LRP6: variants seen among roughly 807,000 people sequenced by gnomAD.
The protein encoded by LRP6 is low-density lipoprotein receptor-related protein 6.
In LRP6, 43 loss-of-function variants were observed where a neutral mutation model predicts 184.1. The ratio of observed to expected loss-of-function variants is 0.23; its 90% confidence interval spans 0.18 to 0.30. The LOEUF is 0.30. Among genes scored for constraint, LRP6 ranks in the 10% least tolerant of loss-of-function variants. LRP6 has a pLI of 1.00. For synonymous variants in LRP6, 719 were observed against 684.9 expected, an observed-to-expected ratio of 1.05 and a Z score of -0.78; for missense variants, 1,571 against 2,005.3, an observed-to-expected ratio of 0.78 and a Z score of 4.14.
intron 2 of LRP6, among the ~76,000 whole-genome samples, chr12:12,213,459 T>G (rs1864263898): frequency 6.6e-6 from 1 of 152,130 alleles, no homozygotes; most frequent in South Asian, 2.1e-4. Flanking sequence ...GCTAACTCTA[T>G]TATTAATATA....
In LRP6 at chr12:12,180,916, TAGAC is replaced by T. The variant is rs1395307953; in HGVS notation, c.1373+123_1373+126del. The T allele has an allele frequency of 2.1e-4, 207 of 975,444 alleles. 2 individuals carry two copies. Among genetic ancestry groups the T allele is most frequent in the East Asian group, 1.3e-3 (53 of 40,802 alleles). The allele number at this position is 975,444 out of a possible 1,614,324, so 60.4% of individuals were successfully genotyped here. ...GTATTCTAATCACCATATCCTAAAA[TAGAC>T]AGCCATTAAAGAGCTGTTTACTGGA... On this transcript the variant is annotated intron_variant, in intron 6 of 22. Coordinates refer to ENST00000261349, the MANE Select transcript of LRP6 (RefSeq NM_002336.3).
intron 12 of LRP6, among the ~76,000 whole-genome samples, chr12:12,156,607 G>C (rs1862586252): frequency 6.6e-6 from 1 of 152,158 alleles, no homozygotes; most frequent in Non-Finnish European, 1.5e-5. Flanking sequence ...TTAATGTACT[G>C]CATTCTGCAT....
intron 3 of LRP6, among the ~76,000 whole-genome samples, chr12:12,199,653 G>C (rs1350146597): frequency 2.0e-5 from 3 of 151,982 alleles, no homozygotes; most frequent in African/African-American, 7.2e-5. Context: ...TTAGGGAACT[G>C]TGAAGATAAT....
intron 2 of LRP6, among the ~76,000 whole-genome samples, chr12:12,230,433 G>A (rs1864753619): frequency 6.6e-6 from 1 of 151,886 alleles, no homozygotes; most frequent in Admixed American, 6.6e-5. Flanking sequence ...CTAGACTAAA[G>A]GGATGAAATT....
chr12:12,179,944 T>A lies in LRP6; in HGVS notation c.1411A>T (p.Ile471Phe), dbSNP rs767398348. Residue 471 changes from isoleucine (I) to phenylalanine (F), a missense_variant, in exon 7 of 23, where the codon ATT (isoleucine) becomes TTT (phenylalanine). By Grantham distance (21) the Ile-to-Phe change is conservative. Transcript: ENST00000261349. ...YWTDWGEIPKIERAALDGSDR... is the reference protein window; with the variant it reads ...YWTDWGEIPKFERAALDGSDR... ...GAACCATCCAGAGCTGCTCGCTCAA[T>A]TTTCGGAATTTCTCCCCAGTCAGTC... 1 of 1,613,946 alleles carries A rather than the reference T, an allele frequency of 6.2e-7. No individual in the cohort carries two copies. Among genetic ancestry groups the A allele is most frequent in the South Asian group, 1.1e-5 (1 of 91,072 alleles).
At chr12:12,208,985 G>A (rs1181332) in intron 2 of LRP6, among the ~76,000 whole-genome samples, 128,655 of 152,172 alleles carry the variant, frequency 0.85, 54,571 homozygotes, top group East Asian at 0.95. Flanking sequence ...CTCTATTAAT[G>A]CATAAAATGA....
rs890699555 is a variant in LRP6 at position 12,248,564 on chromosome 12, G to C, written c.56-3909C>G. Among the ~76,000 whole-genome samples the C allele has an allele frequency of 3.4e-4, 48 of 139,454 alleles. No homozygotes were observed. The East Asian group carries it at 8.7e-3, about 25-fold the overall frequency. The allele number at this position is 139,454 out of a possible 152,430, so 91.5% of individuals were successfully genotyped here. ...TGGTGCAATCTCGGCTCACTGCAAG[G>C]TCCGCCTCCCGGGTTCACGCCATTC... On this transcript the variant is annotated intron_variant, in intron 1 of 22. Transcript: ENST00000261349.
At chr12:12,189,184 A>T (rs1369148505) in intron 3 of LRP6, among the ~76,000 whole-genome samples, 2 of 152,198 alleles carry the variant, frequency 1.3e-5, no homozygotes, top group Non-Finnish European at 2.9e-5. Flanking sequence ...CTCAGAGGTG[A>T]GCTTAAATCC....
chr12:12,232,582 G>A lies in LRP6; in HGVS notation c.449+11680C>T, dbSNP rs576669302. On this transcript the variant is annotated intron_variant, in intron 2 of 22. Coordinates refer to ENST00000261349, the MANE Select transcript of LRP6 (RefSeq NM_002336.3). ...TTTAACCTTAAGCAAGAATCCAGCA[G>A]GTGCAAAAAAAAAAAAAAACAGAAG... is the stretch of plus-strand genomic sequence containing the variant. 1.6e-4 allele frequency among the ~76,000 whole-genome samples: 15 copies of A among 95,414 alleles called. 1 individual carries two copies. The South Asian group carries it at 6.9e-3, about 44-fold the overall frequency. The allele number at this position is 95,414 out of a possible 152,430, so 62.6% of individuals were successfully genotyped here.
intron 12 of LRP6, among the ~76,000 whole-genome samples, chr12:12,156,366 C>T (rs1372774492): frequency 1.3e-5 from 2 of 152,030 alleles, no homozygotes; most frequent in Non-Finnish European, 2.9e-5. Flanking sequence ...GCCAGTGTGG[C>T]TGTAATGAAG....
chr12:12,249,577 A>C (rs1865271565), intron 1 of LRP6: 1 of 423,786 alleles, frequency 2.4e-6, no homozygotes, highest in East Asian at 3.7e-5. Context: ...ACCTCAAAGT[A>C]CTGGAAAGGA....
At chr12:12,236,270 T>C (rs1864931205) in intron 2 of LRP6, among the ~76,000 whole-genome samples, 1 of 152,030 alleles carries the variant, frequency 6.6e-6, no homozygotes, top group African/African-American at 2.4e-5. Context: ...AATGAGGGCA[T>C]GTACAAATGA....
rs908832908 is a variant in LRP6 at position 12,118,941 on chromosome 12, T to C, written c.*2185A>G. 8.5e-5 allele frequency: 13 copies of C among 152,248 alleles called. No individual in the cohort carries two copies. The highest frequency in any genetic ancestry group is 2.9e-5 in the Non-Finnish European group (2 of 68,040). 9.4% of individuals were successfully genotyped at this position (152,248 alleles called of 1,614,324 possible). A position where few individuals can be genotyped will look rare whatever the true frequency, so the allele number is the denominator to read the frequency against. ...CCAGATCAAGATGCACATTTAAATA[T>C]GTAAACATATAGAATTCTCAAATTC... On this transcript the variant is annotated 3_prime_UTR_variant, in exon 23 of 23. Transcript: ENST00000261349.
rs954189929 is a variant in LRP6 at position 12,120,539 on chromosome 12, T to G, written c.*587A>C. ...AACAGCAACACCCAGAATGGGTTTTTAGAAATATCTACTTTCCTCACTAGC... is the reference window on the plus strand; with the variant it reads ...AACAGCAACACCCAGAATGGGTTTTGAGAAATATCTACTTTCCTCACTAGC... On this transcript the variant is annotated 3_prime_UTR_variant, in exon 23 of 23. Transcript: ENST00000261349. 3.9e-5 allele frequency: 6 copies of G among 152,294 alleles called. No homozygotes were observed. The highest frequency in any genetic ancestry group is 6.5e-5 in the Admixed American group (1 of 15,290). 9.4% of individuals were successfully genotyped at this position (152,294 alleles called of 1,614,324 possible).
At chr12:12,164,955 A>AAAAAAGAG in intron 8 of LRP6, 124 bp downstream of exon 8, 1 of 528,570 alleles carries the variant, frequency 1.9e-6, no homozygotes. Context: ...AAAAAAAAAA[A>AAAAAAGAG]GGCGGGGGGG....
At chr12:12,125,755 G>A (rs1249738127) in intron 20 of LRP6, among the ~76,000 whole-genome samples, 1 of 152,164 alleles carries the variant, frequency 6.6e-6, no homozygotes, top group Non-Finnish European at 1.5e-5. Flanking sequence ...GTAAAGGGTA[G>A]AGGTTGTGAG....
intron 19 of LRP6, among the ~76,000 whole-genome samples, chr12:12,128,415 G>T (rs900594012): frequency 2.0e-5 from 3 of 152,152 alleles, no homozygotes; most frequent in Non-Finnish European, 2.9e-5. Context: ...TGTCCTGGGA[G>T]ATTCTATCTA....
chr12:12,182,445 A>G (rs1863367012), intron 5 of LRP6, among the ~76,000 whole-genome samples: 1 of 152,214 alleles, frequency 6.6e-6, no homozygotes, highest in South Asian at 2.1e-4. Context: ...TAAATTGTTC[A>G]AGTAAACCAC....
intron 2 of LRP6, among the ~76,000 whole-genome samples, chr12:12,240,270 C>T (rs1865029793): frequency 6.6e-6 from 1 of 152,080 alleles, no homozygotes; most frequent in Non-Finnish European, 1.5e-5. Context: ...TTCCACTTTC[C>T]ATACAAAAAG....
Sources: gnomAD v4.1 joint callset for allele counts (sites outside exome capture counted in the v4.1 genomes callset) on GRCh38, gnomAD v4.1.1 for gene constraint, MANE v1.5 for transcripts, NCBI Gene and HGNC (gene_info 2026-07-23, HGNC 2026-07-21) for gene names.